Variants in PRMT8 observed in about 807,000 individuals in gnomAD.
PRMT8 encodes protein arginine methyltransferase 8.
In PRMT8, 7 loss-of-function variants were observed where a neutral mutation model predicts 47.1. The ratio of observed to expected loss-of-function variants is 0.15; its 90% CI spans 0.08 to 0.28. The LOEUF (loss-of-function observed/expected upper bound fraction) is 0.28, where lower values mean the gene tolerates loss of function less well. Ranked by LOEUF, PRMT8 falls within the 10% of genes least tolerant of loss-of-function variation. The pLI, the probability that PRMT8 is intolerant of heterozygous loss-of-function variation, is 1.00. For missense variants in PRMT8, 237 were observed against 505.4 expected (o/e 0.47, Z 5.09); for synonymous variants, 188 against 186.5 (o/e 1.01, Z -0.07).
At chr12:3,455,556 C>G (rs1288727004) in intron 1 of PRMT8, among the ~76,000 whole-genome samples, 1 of 152,202 alleles carries the variant, frequency 6.6e-6, no homozygotes, top group Non-Finnish European at 1.5e-5. Context: ...GATGCAAGCT[C>G]TTCACACATG....
At chr12:3,558,198 A>G (rs1446838550) in intron 4 of PRMT8, among the ~76,000 whole-genome samples, 1 of 151,592 alleles carries the variant, frequency 6.6e-6, no homozygotes, top group East Asian at 1.9e-4. Flanking sequence ...CCCCCTCATC[A>G]TCCTGCTCTG....
intron 7 of PRMT8, among the ~76,000 whole-genome samples, chr12:3,581,682 A>C (rs1476797345): frequency 6.6e-6 from 1 of 152,178 alleles, no homozygotes; most frequent in Non-Finnish European, 1.5e-5. Context: ...GACCTCACCA[A>C]GGGCCTCCCA....
In PRMT8 at chr12:3,514,976, T is replaced by C. The variant is rs1176349160; in HGVS notation, c.75+23276T>C. On this transcript the variant is annotated intron_variant, in intron 1 of 9. Transcript: ENST00000382622. The surrounding 1 kb of genome is among the most constrained non-coding windows in gnomAD (Gnocchi z 5.9). Reference sequence around the variant, plus strand: ...AAACAGAAATTATGGATGCCATTCATCCAGCACTTGCTATGTGCCAGGCAC... The same window carrying C: ...AAACAGAAATTATGGATGCCATTCACCCAGCACTTGCTATGTGCCAGGCAC... 6.6e-6 allele frequency among the ~76,000 whole-genome samples: 1 copy of C among 152,236 alleles called. No homozygotes were observed. Among genetic ancestry groups the C allele is most frequent in the Non-Finnish European group, 1.5e-5 (1 of 68,044 alleles).
chr12:3,583,326 C>G lies in PRMT8; in HGVS notation c.979+118C>G. The G allele has an allele frequency of 8.8e-7, 1 of 1,136,860 alleles. No individual in the cohort carries two copies. The highest frequency in any genetic ancestry group is 1.6e-5 in the South Asian group (1 of 61,296). The allele number at this position is 1,136,860 out of a possible 1,614,324, so 70.4% of individuals were successfully genotyped here. A position where few individuals can be genotyped will look rare whatever the true frequency, so the allele number is the denominator to read the frequency against. On this transcript the variant is annotated intron_variant, in intron 8 of 9. Coordinates refer to ENST00000382622, the MANE Select transcript of PRMT8 (RefSeq NM_019854.5). The surrounding 1 kb of genome is among the most constrained non-coding windows in gnomAD (Gnocchi z 4.7). ...AAGGGGCTGGGTGTTAGCTGGGTGA[C>G]ACCTATCAACCCTCTCCAGCCATGG...
rs1379061460 is a variant in PRMT8, at chr12:3,468,979, T to C, written c.49-71627T>C. On this transcript the variant is annotated intron_variant, in intron 1 of 9. Transcript: ENST00000452611. ...CAAAGAAAAGAAGGAACTAGCGTTATGCCAAAAAGGGCCATGGCCACGTGC... is the reference window on the plus strand; with the variant it reads ...CAAAGAAAAGAAGGAACTAGCGTTACGCCAAAAAGGGCCATGGCCACGTGC... 2.3e-5 allele frequency: 6 copies of C among 260,358 alleles called. No individual in the cohort carries two copies. In the East Asian group the frequency reaches 6.8e-4, roughly 30 times the overall value. The allele number at this position is 260,358 out of a possible 1,614,324, so 16.1% of individuals were successfully genotyped here.
chr12:3,419,066 A>T (rs1864511894), intron 1 of PRMT8, among the ~76,000 whole-genome samples: 1 of 152,230 alleles, frequency 6.6e-6, no homozygotes, highest in African/African-American at 2.4e-5. Context: ...ATGGTTTGTT[A>T]TTAGCAGTAA....
chr12:3,507,734 GT>G (rs1380026234), intron 1 of PRMT8, among the ~76,000 whole-genome samples: 2 of 147,584 alleles, frequency 1.4e-5, no homozygotes, highest in African/African-American at 5.0e-5. Flanking sequence ...TATTCCTTTT[GT>G]TAGAATTCTT....
rs1397655285 is a variant in PRMT8, at chr12:3,572,242, G to C, written c.712+2678G>C. ...TAGGCTCACAATACATAATTTTAAC[G>C]AAGGAAGGAAGGAAGGAAGGAAAGT... On this transcript the variant is annotated intron_variant, in intron 6 of 9. Transcript: ENST00000382622. The surrounding 1 kb of genome is among the most constrained non-coding windows in gnomAD (Gnocchi z 5.9). Among the ~76,000 whole-genome samples, 1 of 150,194 alleles carries C rather than the reference G, an allele frequency of 6.7e-6. No individual in the cohort carries two copies. Among genetic ancestry groups the C allele is most frequent in the Admixed American group, 6.6e-5 (1 of 15,204 alleles).
At chr12:3,554,438 C>T (rs776910848) in intron 4 of PRMT8, among the ~76,000 whole-genome samples, 39 of 152,356 alleles carry the variant, frequency 2.6e-4, no homozygotes, top group Middle Eastern at 3.4e-3. Context: ...GCAGACAGGG[C>T]ACTAGCCCCC....
intron 1 of PRMT8, among the ~76,000 whole-genome samples, chr12:3,504,522 G>C (rs1166777222): frequency 8.7e-6 from 1 of 114,756 alleles, no homozygotes; most frequent in African/African-American, 2.7e-5. Flanking sequence ...TCGGGGGTCA[G>C]GGGTCAGGGA....
intron 4 of PRMT8, among the ~76,000 whole-genome samples, chr12:3,559,563 C>A (rs1418833263): frequency 1.3e-5 from 2 of 152,188 alleles, no homozygotes; most frequent in Admixed American, 6.5e-5. Flanking sequence ...GGAGTTTCCT[C>A]TCATTTCCTC....
chr12:3,534,913 G>T (rs1001810162), intron 1 of PRMT8, among the ~76,000 whole-genome samples: 1 of 152,240 alleles, frequency 6.6e-6, no homozygotes. Context: ...CAAATGACTG[G>T]ACTTTGTGAG....
At chr12:3,548,499 C>T (rs1306639148) in intron 2 of PRMT8, among the ~76,000 whole-genome samples, 1 of 151,898 alleles carries the variant, frequency 6.6e-6, no homozygotes, top group African/African-American at 2.4e-5. Flanking sequence ...ACAAACAGTT[C>T]AAGACAAAAA....
Position 3,400,189 on chromosome 12 carries a change from G to A in PRMT8, c.48+18747G>A, listed in dbSNP as rs946034801. The stretch of plus-strand genomic sequence containing the variant: ...GCTGAACTGAAGGAGATAAAGAGAC[G>A]AAAAACCCTTCAAAAAATCAACAAA... On this transcript the variant is annotated intron_variant, in intron 1 of 9. Transcript: ENST00000452611. Among the ~76,000 whole-genome samples, 6 of 151,674 alleles carry A rather than the reference G, an allele frequency of 4.0e-5. No individual in the cohort carries two copies. The East Asian group carries it at 7.7e-4, about 19-fold the overall frequency.
chr12:3,410,152 A>G (rs1202284977), intron 1 of PRMT8, among the ~76,000 whole-genome samples: 1 of 152,222 alleles, frequency 6.6e-6, no homozygotes, highest in Non-Finnish European at 1.5e-5. Flanking sequence ...TCTCCTTGAA[A>G]TTTGAGGCAT....
chr12:3,507,866 C>T (rs1162461920), intron 1 of PRMT8, among the ~76,000 whole-genome samples: 2 of 150,888 alleles, frequency 1.3e-5, no homozygotes, highest in Non-Finnish European at 2.9e-5. Context: ...TCATGCAGTT[C>T]CCCTGCCTCA....
intron 1 of PRMT8, among the ~76,000 whole-genome samples, chr12:3,400,076 C>T (rs927754622): frequency 4.6e-5 from 7 of 152,110 alleles, no homozygotes; most frequent in African/African-American, 1.4e-4. Flanking sequence ...ATCTCATTAA[C>T]AACCTAACAT....
intron 1 of PRMT8, among the ~76,000 whole-genome samples, chr12:3,437,937 G>A (rs1864762144): frequency 2.0e-5 from 3 of 152,168 alleles, no homozygotes; most frequent in Non-Finnish European, 4.4e-5. Flanking sequence ...GGGTTTGGGA[G>A]TCTTCATCTT....
rs140488001 is a variant in PRMT8, at chr12:3,384,258, T to C, written c.48+2816T>C. Among the ~76,000 whole-genome samples, 102 of 152,226 alleles carry C rather than the reference T, an allele frequency of 6.7e-4. 1 individual carries two copies. The highest frequency in any genetic ancestry group is 2.4e-3 in the African/African-American group (101 of 41,530). On this transcript the variant is annotated intron_variant, in intron 1 of 9. Coordinates refer to the PRMT8 transcript ENST00000452611. ...GAGCAAGTTCCCCTCTATTCCTTTT[T>C]TTTTTTTTCTGAGAGTTCCTCTTTA...
Sources: allele counts gnomAD v4.1 joint callset (sites outside exome capture counted in the v4.1 genomes callset), GRCh38; gene constraint gnomAD v4.1.1; non-coding constraint Gnocchi (gnomAD v3.1); transcripts MANE v1.5; gene names NCBI Gene and HGNC (gene_info 2026-07-23, HGNC 2026-07-21).